The following TRPA1 variants were observed in gnomAD, a reference collection of about 807,000 sequenced individuals.
The protein encoded by TRPA1 is transient receptor potential cation channel subfamily A member 1.
Under a neutral mutation model 131.3 loss-of-function variants are expected in TRPA1, and 129 were observed. That is an observed-to-expected ratio of 0.98 (90% CI 0.85 to 1.14). TRPA1 has a LOEUF of 1.14. Ranked by LOEUF, TRPA1 falls within the 50% of genes most tolerant of loss-of-function variation. The pLI, the probability that TRPA1 is intolerant of heterozygous loss-of-function variation, is 0.00. For synonymous variants in TRPA1, 441 were observed against 451.7 expected (o/e 0.98, Z 0.30); for missense variants, 1,304 against 1,354.2 (o/e 0.96, Z 0.58).
chr8:72,057,707 C>T lies in TRPA1; in HGVS notation c.1093+10G>A, dbSNP rs916623859. ...CACTTCAAAAGACTTGGCTTGTTCC[C>T]TCTTGGTACCTTTAGAGAGTAGCAA... On this transcript the variant is annotated intron_variant, in intron 9 of 26. Coordinates refer to ENST00000262209, the MANE Select transcript of TRPA1 (RefSeq NM_007332.3). 11 of 1,607,548 alleles carry T rather than the reference C, an allele frequency of 6.8e-6. No individual in the cohort carries two copies. The Admixed American group carries it at 1.0e-4, about 15-fold the overall frequency.
At chr8:72,047,020 C>T in intron 16 of TRPA1, 128 bp downstream of exon 16, 3 of 738,970 alleles carry the variant, frequency 4.1e-6, no homozygotes, top group Non-Finnish European at 6.7e-6. Flanking sequence ...GTAGATAATA[C>T]AATAATATGA....
chr8:72,039,217 T>C (rs187063912), intron 18 of TRPA1, among the ~76,000 whole-genome samples, 190 bp from the exon 19 acceptor site: 25 of 152,142 alleles, frequency 1.6e-4, no homozygotes, highest in African/African-American at 6.0e-4. Context: ...TCTAAGCAAA[T>C]TACGACTTAA....
intron 22 of TRPA1, among the ~76,000 whole-genome samples, 175 bp downstream of exon 22, chr8:72,034,073 G>A (rs1423114105): frequency 3.3e-5 from 5 of 152,098 alleles, no homozygotes; most frequent in African/African-American, 7.2e-5. Flanking sequence ...TGCTTAACAC[G>A]ACTATACTTT....
At chr8:72,046,919 T>C (rs992871395) in intron 16 of TRPA1, among the ~76,000 whole-genome samples, 2 of 151,876 alleles carry the variant, frequency 1.3e-5, no homozygotes, top group African/African-American at 4.8e-5. Context: ...TAAGAAAACA[T>C]AAAGACTAGA....
chr8:72,022,711 C>G lies in TRPA1; in HGVS notation c.*195G>C. ...AATTTGAACATATCTGCAAAGATAT[C>G]CCCAATACATAGTGATTGGTAGAAA... On this transcript the variant is annotated 3_prime_UTR_variant, in exon 27 of 27. Coordinates refer to ENST00000262209, the MANE Select transcript of TRPA1 (RefSeq NM_007332.3). 1.5e-6 allele frequency: 1 copy of G among 652,538 alleles called. No homozygotes were observed. 40.4% of individuals were successfully genotyped at this position (652,538 alleles called of 1,614,324 possible). A position where few individuals can be genotyped will look rare whatever the true frequency, so the allele number is the denominator to read the frequency against.
At chr8:72,059,585 A>T in intron 7 of TRPA1, 147 bp from the exon 8 acceptor site, 1 of 565,508 alleles carries the variant, frequency 1.8e-6, no homozygotes, top group East Asian at 3.1e-5. Context: ...AGCTTTCAAA[A>T]TTTATAATTT....
chr8:72,036,408 TA>T lies in TRPA1; in HGVS notation c.2434del (p.Tyr812ThrfsTer33). 6.2e-7 allele frequency: 1 copy of T among 1,614,176 alleles called. No homozygotes were observed. Among genetic ancestry groups the T allele is most frequent in the African/African-American group, 1.3e-5 (1 of 75,068 alleles). Reference protein sequence around the residue: ...DISNVLEWIIYTTGIIFVLPL... With the variant: ...DISNVLEWIIXTTGIIFVLPL... ...CAGCACAAAAATGATGCCCGTCGTG[TA>T]GATAATCCATTCAAGAACATTGCTT... On this transcript the variant is annotated frameshift_variant, in exon 21 of 27. Coordinates refer to ENST00000262209, the MANE Select transcript of TRPA1 (RefSeq NM_007332.3). LOFTEE classifies it high-confidence loss of function.
chr8:72,086,993 C>T, the TRPA1 span, among the ~76,000 whole-genome samples: 1 of 152,168 alleles, frequency 6.6e-6, no homozygotes, highest in African/African-American at 2.4e-5. Flanking sequence ...ACCAGAGTCT[C>T]ACTCTCATTA....
the TRPA1 span, among the ~76,000 whole-genome samples, chr8:72,081,179 A>G: frequency 9.9e-5 from 15 of 151,788 alleles, no homozygotes; most frequent in African/African-American, 3.6e-4. Flanking sequence ...TACTTACTCA[A>G]CTTTACAGTA....
intron 4 of TRPA1, 48 bp from the exon 5 acceptor site, chr8:72,063,619 C>T (rs781381925): frequency 2.7e-5 from 35 of 1,291,986 alleles, no homozygotes; most frequent in East Asian, 1.6e-4. Flanking sequence ...AACCCCAAAT[C>T]GCAAGGGTGG....
chr8:72,086,730 A>G, the TRPA1 span, among the ~76,000 whole-genome samples: 4 of 152,200 alleles, frequency 2.6e-5, no homozygotes, highest in African/African-American at 7.2e-5. Flanking sequence ...ATGCAACTCA[A>G]TAAAGATTTT....
chr8:72,028,187 C>T (rs559783392), intron 24 of TRPA1, among the ~76,000 whole-genome samples: 5 of 152,336 alleles, frequency 3.3e-5, no homozygotes, highest in African/African-American at 1.2e-4. Context: ...AATAACAGAT[C>T]ACTATAAACA....
chr8:72,039,124 C>T (rs1205428442), intron 18 of TRPA1, 97 bp from the exon 19 acceptor site: 5 of 1,215,808 alleles, frequency 4.1e-6, no homozygotes, highest in South Asian at 1.2e-5. Context: ...CTTTCAGAAA[C>T]CTTGTTGGTA....
chr8:72,058,316 C>T (rs960917041), intron 8 of TRPA1, among the ~76,000 whole-genome samples: 1 of 151,886 alleles, frequency 6.6e-6, no homozygotes, highest in African/African-American at 2.4e-5. Flanking sequence ...AAAACTTTAG[C>T]CAAACATTTA....
chr8:72,025,104 TCG>T (rs34290627), intron 25 of TRPA1, among the ~76,000 whole-genome samples: 130 of 125,678 alleles, frequency 1.0e-3, no homozygotes, highest in African/African-American at 3.5e-3. Flanking sequence ...GTGTGTGTGT[TCG>T]TGTGTGTGTG....
At chr8:72,084,035 T>C in the TRPA1 span, among the ~76,000 whole-genome samples, 1 of 152,180 alleles carries the variant, frequency 6.6e-6, no homozygotes, top group African/African-American at 2.4e-5. Flanking sequence ...TTGACAAATT[T>C]GTATAGATGA....
upstream of TRPA1, among the ~76,000 whole-genome samples, chr8:72,077,781 G>A (rs1340998672): frequency 1.3e-5 from 2 of 152,052 alleles, no homozygotes; most frequent in Non-Finnish European, 2.9e-5. Context: ...AATGCAAAAT[G>A]TAAACAGGAA....
At position 72,037,964 on chromosome 8, in the gene TRPA1, T is replaced by C. The variant is rs1812112645; in HGVS notation, c.2385+19A>G. ...ATGAAAATATGTGCAACTTTAGAGA[T>C]ACAAAATGTATTACATACCTGTTGG... is the stretch of plus-strand genomic sequence containing the variant. On this transcript the variant is annotated intron_variant, in intron 20 of 26. Transcript: ENST00000262209. 6.8e-7 allele frequency: 1 copy of C among 1,461,210 alleles called. No homozygotes were observed. The highest frequency in any genetic ancestry group is 9.6e-7 in the Non-Finnish European group (1 of 1,043,054). The allele number at this position is 1,461,210 out of a possible 1,614,324, so 90.5% of individuals were successfully genotyped here. A position where few individuals can be genotyped will look rare whatever the true frequency, so the allele number is the denominator to read the frequency against.
intron 23 of TRPA1, among the ~76,000 whole-genome samples, chr8:72,030,187 G>A (rs1024601015): frequency 6.6e-6 from 1 of 152,142 alleles, no homozygotes; most frequent in African/African-American, 2.4e-5. Context: ...TTCCTCATAG[G>A]TGGCACCTTC....
Sources: gnomAD v4.1 joint callset for allele counts (sites outside exome capture counted in the v4.1 genomes callset) on GRCh38, gnomAD v4.1.1 for gene constraint, MANE v1.5 for transcripts, NCBI Gene and HGNC (gene_info 2026-07-23, HGNC 2026-07-21) for gene names.